CYP4X1: variants seen among roughly 807,000 people sequenced by gnomAD.
CYP4X1 encodes cytochrome P450 4X1.
In CYP4X1, 44 loss-of-function variants were observed where a neutral mutation model predicts 57.9. The ratio of observed to expected loss-of-function variants is 0.76; its 90% confidence interval spans 0.60 to 0.98. CYP4X1 has a LOEUF of 0.98. Among genes scored for constraint, CYP4X1 ranks in the 50% least tolerant of loss-of-function variants. CYP4X1 has a pLI of 0.00. For missense variants in CYP4X1, 532 were observed against 623.9 expected (o/e 0.85, Z 1.57); for synonymous variants, 227 against 228.6 (o/e 0.99, Z 0.06).
At chr1:46,978,117 G>A in the CYP4X1 span, among the ~76,000 whole-genome samples, 1 of 151,912 alleles carries the variant, frequency 6.6e-6, no homozygotes, top group Non-Finnish European at 1.5e-5. Flanking sequence ...TCAAATTCAT[G>A]CATAACAATA....
At chr1:47,006,565 G>A in the CYP4X1 span, among the ~76,000 whole-genome samples, 1 of 152,120 alleles carries the variant, frequency 6.6e-6, no homozygotes, top group African/African-American at 2.4e-5. Flanking sequence ...ATCTCACTGG[G>A]GAGTGTCAGA....
chr1:47,053,563 A>T (rs549489843), downstream of CYP4X1, among the ~76,000 whole-genome samples: 1 of 152,136 alleles, frequency 6.6e-6, no homozygotes, highest in Non-Finnish European at 1.5e-5. Flanking sequence ...ATTTCTCCAC[A>T]TCCTCTCCAG....
intron 8 of CYP4X1, among the ~76,000 whole-genome samples, chr1:47,044,901 C>T (rs926825164): frequency 6.6e-6 from 1 of 151,816 alleles, no homozygotes; most frequent in Non-Finnish European, 1.5e-5. Flanking sequence ...CTCAGCTTAC[C>T]GCAACCTCTG....
At chr1:46,972,999 T>C in the CYP4X1 span, among the ~76,000 whole-genome samples, 1 of 152,100 alleles carries the variant, frequency 6.6e-6, no homozygotes, top group Non-Finnish European at 1.5e-5. Context: ...TGGGCATCCT[T>C]GTTTGGTTCT....
chr1:47,047,978 G>A (rs1644320214), intron 9 of CYP4X1, among the ~76,000 whole-genome samples: 1 of 151,926 alleles, frequency 6.6e-6, no homozygotes, highest in Non-Finnish European at 1.5e-5. Context: ...CACAGTGGCT[G>A]ACGCATATAA....
intron 2 of CYP4X1, among the ~76,000 whole-genome samples, chr1:47,030,580 A>G (rs1233137080): frequency 1.3e-5 from 2 of 152,116 alleles, no homozygotes; most frequent in Non-Finnish European, 2.9e-5. Flanking sequence ...TAGTGATCCA[A>G]ATTTTAGCTT....
the CYP4X1 span, among the ~76,000 whole-genome samples, chr1:46,969,880 A>T: frequency 3.3e-5 from 5 of 152,360 alleles, no homozygotes; most frequent in East Asian, 9.6e-4. Context: ...TGCCAAATGG[A>T]AATGGAGATG....
At chr1:46,990,770 A>T in the CYP4X1 span, among the ~76,000 whole-genome samples, 2 of 152,174 alleles carry the variant, frequency 1.3e-5, no homozygotes, top group East Asian at 3.8e-4. Flanking sequence ...TGAAGCTGGA[A>T]ACCATCTTCC....
rs752932084 is a variant in CYP4X1, at chr1:47,031,457, A to C, written c.341A>C (p.Gln114Pro). The C allele has an allele frequency of 2.5e-6, 4 of 1,614,138 alleles. No homozygotes were observed. The Admixed American group carries it at 6.7e-5, about 27-fold the overall frequency. Residue 114 changes from glutamine to proline, a missense_variant, in exon 3 of 12, where the codon CAG (glutamine) becomes CCG (proline). Physicochemically the swap from Gln to Pro is moderately conservative, Grantham distance 76 (BLOSUM62 -1). Transcript: ENST00000371901. The part of the protein sequence containing the change: ...SRTDPKSQYL[Q>P]KFSPPLLGKG... ...GCAGATCCCAAGTCCCAGTACCTGC[A>C]GAAATTCTCACCTCCACTTCTTGGT...
chr1:46,993,578 A>C, the CYP4X1 span, among the ~76,000 whole-genome samples: 3 of 152,192 alleles, frequency 2.0e-5, no homozygotes, highest in Admixed American at 6.5e-5. Context: ...AGTTCTCCAC[A>C]TCCTTTCCAG....
intron 9 of CYP4X1, 24 bp downstream of exon 9, chr1:47,046,624 A>T: frequency 6.2e-7 from 1 of 1,614,044 alleles, no homozygotes; most frequent in South Asian, 1.1e-5. Context: ...TTTCCTAAGC[A>T]GTTCTTAGAG....
chr1:47,048,641 T>A lies in CYP4X1; in HGVS notation c.1272+12T>A. ...GGAAAAACCCAAAGGTATGATTCTCTCTTGTACATAAATACTTCCAAGAAC... is the reference window on the plus strand; with the variant it reads ...GGAAAAACCCAAAGGTATGATTCTCACTTGTACATAAATACTTCCAAGAAC... On this transcript the variant is annotated intron_variant, in intron 10 of 11. Transcript: ENST00000371901. 6.2e-7 allele frequency: 1 copy of A among 1,606,716 alleles called. No individual in the cohort carries two copies. The highest frequency in any genetic ancestry group is 8.5e-7 in the Non-Finnish European group (1 of 1,177,734).
intron 2 of CYP4X1, among the ~76,000 whole-genome samples, chr1:47,030,570 T>C (rs777027426): frequency 6.6e-6 from 1 of 152,206 alleles, no homozygotes; most frequent in Non-Finnish European, 1.5e-5. Context: ...GACCTCTTGA[T>C]AGTGATCCAA....
the CYP4X1 span, among the ~76,000 whole-genome samples, chr1:46,983,150 C>G: frequency 6.6e-6 from 1 of 152,140 alleles, no homozygotes; most frequent in Non-Finnish European, 1.5e-5. Context: ...CACTCAGGCT[C>G]TTTGTTCCTT....
upstream of CYP4X1, among the ~76,000 whole-genome samples, chr1:47,022,883 T>G (rs1013296001): frequency 3.3e-4 from 51 of 152,308 alleles, no homozygotes; most frequent in African/African-American, 1.2e-3. Context: ...AGACACCAGC[T>G]TGGGAAGTCA....
chr1:47,036,170 A>T lies in CYP4X1; in HGVS notation c.774A>T (p.Thr258=). The T allele has an allele frequency of 6.2e-7, 1 of 1,607,558 alleles. No individual in the cohort carries two copies. ...TAAGCCGAGTGTTGAATCAGTACAC[A>T]GGTATTTGTTGGGTTTGGGTTGCCC... ...QKLSRVLNQY[T]DTIIQERKKS... The change falls in exon 6 of 12, where the codon ACA becomes ACT. Residue 258 remains threonine (T), a splice_region_variant and synonymous_variant. Coordinates refer to ENST00000371901, the MANE Select transcript of CYP4X1 (RefSeq NM_178033.2).
intron 2 of CYP4X1, among the ~76,000 whole-genome samples, chr1:47,030,885 G>A (rs1163650307): frequency 6.6e-6 from 1 of 152,100 alleles, no homozygotes; most frequent in Non-Finnish European, 1.5e-5. Flanking sequence ...CTCGAGACCA[G>A]GGGTAGGAGT....
chr1:46,982,279 A>G, the CYP4X1 span, among the ~76,000 whole-genome samples: 1 of 152,158 alleles, frequency 6.6e-6, no homozygotes. Flanking sequence ...ATTCCTTGGA[A>G]TGAGTTTCAA....
chr1:46,991,227 C>T, the CYP4X1 span, among the ~76,000 whole-genome samples: 727 of 152,212 alleles, frequency 4.8e-3, 11 homozygotes, highest in East Asian at 0.045. Context: ...TTTCTGTTAA[C>T]TTATTGCCAC....
Sources: gnomAD v4.1 joint callset for allele counts (sites outside exome capture counted in the v4.1 genomes callset) on GRCh38, gnomAD v4.1.1 for gene constraint, MANE v1.5 for transcripts, NCBI Gene and HGNC (gene_info 2026-07-23, HGNC 2026-07-21) for gene names.